The following MAST4 variants were observed in gnomAD, a reference collection of about 807,000 sequenced individuals.
MAST4 encodes the protein microtubule associated serine/threonine kinase family member 4.
In MAST4, 89 loss-of-function variants were observed where a neutral mutation model predicts 162.7. The observed-to-expected ratio is 0.55, with a 90% CI of 0.46 to 0.65. The LOEUF (loss-of-function observed/expected upper bound fraction) is 0.65. Ranked by LOEUF, MAST4 falls within the 30% of genes least tolerant of loss-of-function variation. MAST4 has a pLI of 0.00. For synonymous variants in MAST4, 1,479 were observed against 1,361.1 expected, an observed-to-expected ratio of 1.09 and a Z score of -1.91; for missense variants, 3,153 against 3,374.0, an observed-to-expected ratio of 0.93 and a Z score of 1.62.
chr5:66,902,751 CT>C, intron 4 of MAST4: 1 of 459,888 alleles, frequency 2.2e-6, no homozygotes, highest in Admixed American at 2.5e-5. Flanking sequence ...CTCCAGATCA[CT>C]TTTCCAGAGG....
chr5:66,796,183 C>T (rs1755638138), intron 3 of MAST4, among the ~76,000 whole-genome samples: 1 of 152,144 alleles, frequency 6.6e-6, no homozygotes, highest in African/African-American at 2.4e-5. Flanking sequence ...TCTCTGTAAT[C>T]CAACTGCTAT....
At chr5:66,674,532 A>G (rs147996343) in intron 1 of MAST4, among the ~76,000 whole-genome samples, 93 of 152,350 alleles carry the variant, frequency 6.1e-4, no homozygotes, top group African/African-American at 2.2e-3. Context: ...AAGAGAGATT[A>G]GAAACATAAG....
intron 5 of MAST4, among the ~76,000 whole-genome samples, chr5:67,060,360 G>T (rs1028571820): frequency 1.6e-4 from 24 of 152,154 alleles, no homozygotes; most frequent in Admixed American, 1.6e-3. Context: ...TGGCAATAAG[G>T]TGGAGATAGG....
intron 5 of MAST4, among the ~76,000 whole-genome samples, chr5:67,061,222 C>T (rs570601554): frequency 6.6e-6 from 1 of 152,162 alleles, no homozygotes; most frequent in East Asian, 1.9e-4. Context: ...CTTTTGTTCC[C>T]CCCTTATCAC....
chr5:66,947,107 A>G (rs1478265120), intron 4 of MAST4, among the ~76,000 whole-genome samples: 1 of 152,132 alleles, frequency 6.6e-6, no homozygotes, highest in Non-Finnish European at 1.5e-5. Flanking sequence ...TCTCTTAGGG[A>G]CAGTCAATGT....
chr5:66,692,346 G>T (rs1749097246), intron 1 of MAST4, among the ~76,000 whole-genome samples: 1 of 150,674 alleles, frequency 6.6e-6, no homozygotes, highest in African/African-American at 2.4e-5. Flanking sequence ...AAGCTCTTTT[G>T]TGCTCATATT....
chr5:67,069,287 G>GAGATATATAT (rs138978370), intron 5 of MAST4, among the ~76,000 whole-genome samples: 3 of 107,634 alleles, frequency 2.8e-5, no homozygotes, highest in East Asian at 4.6e-4. Flanking sequence ...GAGGAGATTG[G>GAGATATATAT]ATATATATAT....
chr5:66,673,402 CTTAA>C (rs1282690280), intron 1 of MAST4, among the ~76,000 whole-genome samples: 2 of 145,078 alleles, frequency 1.4e-5, no homozygotes, highest in African/African-American at 2.6e-5. Flanking sequence ...TTTATTGTAT[CTTAA>C]TTTTGAAGAA....
chr5:66,843,562 G>C (rs1758578246), intron 3 of MAST4, among the ~76,000 whole-genome samples: 1 of 152,150 alleles, frequency 6.6e-6, no homozygotes, highest in Admixed American at 6.6e-5. Context: ...TCTTCAATAT[G>C]TGATGAGGCT....
At chr5:66,761,580 AACT>A (rs1753851997) in intron 2 of MAST4, among the ~76,000 whole-genome samples, 1 of 146,150 alleles carries the variant, frequency 6.8e-6, no homozygotes, top group Non-Finnish European at 1.5e-5. Flanking sequence ...TTTTTTGGAG[AACT>A]ATGGATTTTG....
At chr5:66,743,267 G>C (rs988029514) in intron 1 of MAST4, among the ~76,000 whole-genome samples, 2 of 152,032 alleles carry the variant, frequency 1.3e-5, no homozygotes, top group Non-Finnish European at 2.9e-5. Flanking sequence ...ATGTGTTTCT[G>C]TCATTTTCTC....
At position 67,097,554 on chromosome 5, in the gene MAST4, G is replaced by A. The variant is rs1330150085; in HGVS notation, c.912+1879G>A. Among the ~76,000 whole-genome samples, 5 of 152,154 alleles carry A rather than the reference G, an allele frequency of 3.3e-5. No homozygotes were observed. The East Asian group carries it at 9.7e-4, about 29-fold the overall frequency. On this transcript the variant is annotated intron_variant, in intron 7 of 28. Coordinates refer to ENST00000403625, the MANE Select transcript of MAST4 (RefSeq NM_001164664.2). ...CCTTGTAATTAATAAAGCTGACCTG[G>A]TCGTCAGTCAAAATGAAATCGTTGC... is the stretch of plus-strand genomic sequence containing the variant.
At chr5:67,021,438 AAC>A (rs1214715537) in intron 4 of MAST4, among the ~76,000 whole-genome samples, 1 of 152,096 alleles carries the variant, frequency 6.6e-6, no homozygotes, top group African/African-American at 2.4e-5. Context: ...AAAGCTTCTA[AAC>A]ACATTTGAAA....
chr5:66,968,999 A>G (rs1747095994), intron 4 of MAST4, among the ~76,000 whole-genome samples: 1 of 152,226 alleles, frequency 6.6e-6, no homozygotes, highest in Non-Finnish European at 1.5e-5. Flanking sequence ...TATCTTACAT[A>G]CTGCTGTCTC....
chr5:66,858,454 G>A (rs1354167550), intron 3 of MAST4, among the ~76,000 whole-genome samples: 1 of 151,958 alleles, frequency 6.6e-6, no homozygotes, highest in Non-Finnish European at 1.5e-5. Flanking sequence ...TTTTTTTCTT[G>A]TTTGTTTCAC....
intron 4 of MAST4, among the ~76,000 whole-genome samples, chr5:67,053,933 GCTATT>G (rs1272759228): frequency 6.6e-6 from 1 of 152,182 alleles, no homozygotes; most frequent in Non-Finnish European, 1.5e-5. Flanking sequence ...TTAGGCATCA[GCTATT>G]CTATTGACAA....
chr5:66,814,756 A>G (rs955457899), intron 3 of MAST4, among the ~76,000 whole-genome samples: 15 of 152,198 alleles, frequency 9.9e-5, no homozygotes, highest in African/African-American at 3.4e-4. Flanking sequence ...AAACATTCTA[A>G]TTCTCTCATT....
chr5:66,891,389 G>C (rs941296240), intron 3 of MAST4, among the ~76,000 whole-genome samples: 1 of 152,008 alleles, frequency 6.6e-6, no homozygotes, highest in Non-Finnish European at 1.5e-5. Context: ...ATGCTTCCTG[G>C]ATAATTAAAG....
intron 4 of MAST4, among the ~76,000 whole-genome samples, chr5:66,946,187 C>CTG (rs914414947): frequency 1.3e-5 from 2 of 152,210 alleles, no homozygotes; most frequent in Middle Eastern, 3.4e-3. Context: ...TACAGAGGAG[C>CTG]TGTGTGTGTG....
Sources: allele counts gnomAD v4.1 joint callset (sites outside exome capture counted in the v4.1 genomes callset), GRCh38; gene constraint gnomAD v4.1.1; transcripts MANE v1.5; gene names NCBI Gene and HGNC (gene_info 2026-07-23, HGNC 2026-07-21).